Variants in ADGRB3 observed in about 807,000 individuals in gnomAD.
The protein encoded by ADGRB3 is brain-specific angiogenesis inhibitor 3.
ADGRB3 carries 37 observed loss-of-function variants against 193.4 expected under a neutral mutation model. That is an observed-to-expected ratio of 0.19 (90% CI 0.15 to 0.25). The LOEUF (loss-of-function observed/expected upper bound fraction) is 0.25, where lower values mean the gene tolerates loss of function less well. ADGRB3 is among the 10% of genes least tolerant of loss of function. The pLI is 1.00. For missense variants in ADGRB3, 1,637 were observed against 1,852.9 expected (o/e 0.88, Z 2.14); for synonymous variants, 690 against 644.2 (o/e 1.07, Z -1.08).
chr6:69,363,208 C>G (rs1769489873), intron 29 of ADGRB3, among the ~76,000 whole-genome samples: 1 of 151,930 alleles, frequency 6.6e-6, no homozygotes, highest in South Asian at 2.1e-4. Context: ...AACTGTGATT[C>G]AGCCAAAAGA....
intron 3 of ADGRB3, among the ~76,000 whole-genome samples, chr6:68,914,807 A>G (rs1241721777): frequency 6.6e-6 from 1 of 152,162 alleles, no homozygotes; most frequent in African/African-American, 2.4e-5. Context: ...AAGTGATTCT[A>G]CCTCATGTTA....
At chr6:69,377,608 G>A (rs1446301474) in intron 30 of ADGRB3, among the ~76,000 whole-genome samples, 1 of 152,010 alleles carries the variant, frequency 6.6e-6, no homozygotes, top group Non-Finnish European at 1.5e-5. Flanking sequence ...GTCATTCACA[G>A]AAACTGGTTT....
intron 3 of ADGRB3, among the ~76,000 whole-genome samples, chr6:68,887,684 T>G (rs1307509268): frequency 6.6e-6 from 1 of 152,182 alleles, no homozygotes; most frequent in African/African-American, 2.4e-5. Flanking sequence ...TTAAAATGAG[T>G]GATAACATTT....
intron 20 of ADGRB3, among the ~76,000 whole-genome samples, chr6:69,289,821 C>G (rs955111833): frequency 6.6e-6 from 1 of 151,764 alleles, no homozygotes; most frequent in Admixed American, 6.6e-5. Flanking sequence ...GACTAAGGTG[C>G]TGCACTCTGC....
At chr6:69,265,001 G>A (rs569115525) in intron 20 of ADGRB3, among the ~76,000 whole-genome samples, 5 of 151,896 alleles carry the variant, frequency 3.3e-5, no homozygotes, top group African/African-American at 1.2e-4. Context: ...CACATGCCCT[G>A]AACCAAGACA....
At chr6:68,962,779 A>T (rs1403078732) in intron 8 of ADGRB3, among the ~76,000 whole-genome samples, 1 of 152,130 alleles carries the variant, frequency 6.6e-6, no homozygotes, top group Non-Finnish European at 1.5e-5. Flanking sequence ...CTAAATCTGA[A>T]TATTGGTCTT....
At chr6:68,813,760 T>G (rs1192964809) in intron 3 of ADGRB3, among the ~76,000 whole-genome samples, 1 of 152,134 alleles carries the variant, frequency 6.6e-6, no homozygotes. Context: ...CCTGTGTCCA[T>G]GTGTTCTCAT....
intron 3 of ADGRB3, among the ~76,000 whole-genome samples, chr6:68,667,052 A>G (rs999533598): frequency 2.0e-5 from 3 of 151,862 alleles, no homozygotes; most frequent in Non-Finnish European, 4.4e-5. Context: ...GTCAAACTGC[A>G]TTATAAACCA....
At chr6:69,032,883 T>G (rs868818489) in intron 13 of ADGRB3, among the ~76,000 whole-genome samples, 2 of 152,108 alleles carry the variant, frequency 1.3e-5, no homozygotes, top group Non-Finnish European at 2.9e-5. Flanking sequence ...CTCTCCTGTA[T>G]AGTTGTCAAG....
intron 17 of ADGRB3, among the ~76,000 whole-genome samples, chr6:69,176,607 G>C (rs1174881206): frequency 6.6e-6 from 1 of 152,052 alleles, no homozygotes; most frequent in Non-Finnish European, 1.5e-5. Context: ...TGGTGTCTTT[G>C]CCAGCTTTGG....
chr6:69,119,179 C>G (rs184622328), intron 17 of ADGRB3, among the ~76,000 whole-genome samples: 3 of 152,110 alleles, frequency 2.0e-5, no homozygotes, highest in Non-Finnish European at 4.4e-5. Context: ...TCTAACTGAG[C>G]TAAAGTTATT....
At chr6:69,354,101 A>G in intron 26 of ADGRB3, 132 bp from the exon 27 acceptor site, 1 of 556,356 alleles carries the variant, frequency 1.8e-6, no homozygotes, top group Non-Finnish European at 3.2e-6. Flanking sequence ...GTTTTTTTAA[A>G]AAGAAGTAAA....
At chr6:68,654,671 T>TA (rs376453668) in intron 3 of ADGRB3, among the ~76,000 whole-genome samples, 1 of 151,910 alleles carries the variant, frequency 6.6e-6, no homozygotes, top group Admixed American at 6.6e-5. Context: ...TTTGAAAAGA[T>TA]AATCATTTTT....
chr6:68,944,419 A>G (rs1419166762), intron 6 of ADGRB3, among the ~76,000 whole-genome samples: 2 of 152,132 alleles, frequency 1.3e-5, no homozygotes, highest in Non-Finnish European at 2.9e-5. Context: ...TGTACCACTG[A>G]CCATGTGCTA....
chr6:69,212,604 A>C (rs1765692121), intron 17 of ADGRB3, among the ~76,000 whole-genome samples: 1 of 152,180 alleles, frequency 6.6e-6, no homozygotes, highest in Non-Finnish European at 1.5e-5. Flanking sequence ...ATCAAATTGC[A>C]CTGCTTGATT....
At chr6:68,965,199 A>G (rs1290032940) in intron 8 of ADGRB3, among the ~76,000 whole-genome samples, 2 of 152,198 alleles carry the variant, frequency 1.3e-5, no homozygotes, top group Non-Finnish European at 1.5e-5. Flanking sequence ...CATTTCCTAT[A>G]TGAGGAATGC....
chr6:69,317,825 A>G (rs754742061), intron 20 of ADGRB3, among the ~76,000 whole-genome samples: 3 of 151,420 alleles, frequency 2.0e-5, no homozygotes, highest in Non-Finnish European at 4.4e-5. Context: ...GAGGTAGAAG[A>G]CAAATCGGTA....
rs554939485 is a variant in ADGRB3, at chr6:69,290,294, T to C, written c.2815-34578T>C. On this transcript the variant is annotated intron_variant, in intron 20 of 31. Transcript: ENST00000370598. ...TTGTAGCTAAGAATAGCAAGGTTAA[T>C]TACAGAAGGGAGTGACAGAAACAGG... Among the ~76,000 whole-genome samples, 7 of 152,218 alleles carry C rather than the reference T, an allele frequency of 4.6e-5. No homozygotes were observed. In the South Asian group the frequency reaches 8.3e-4, roughly 18 times the overall value.
chr6:69,213,995 T>C (rs1658135520), intron 17 of ADGRB3, among the ~76,000 whole-genome samples: 1 of 151,980 alleles, frequency 6.6e-6, no homozygotes, highest in Non-Finnish European at 1.5e-5. Context: ...CTAACCACTA[T>C]ACAATATGCT....
Sources: gnomAD v4.1 joint callset for allele counts (sites outside exome capture counted in the v4.1 genomes callset) on GRCh38, gnomAD v4.1.1 for gene constraint, MANE v1.5 for transcripts, NCBI Gene and HGNC (gene_info 2026-07-23, HGNC 2026-07-21) for gene names.